Variants in LRRN2 observed in about 807,000 individuals in gnomAD.
LRRN2 encodes leucine-rich repeat neuronal protein 2.
In LRRN2, 10 loss-of-function variants were observed where a neutral mutation model predicts 35.7. The ratio of observed to expected loss-of-function variants is 0.28; its 90% CI spans 0.17 to 0.47. The LOEUF (loss-of-function observed/expected upper bound fraction) is 0.47, where lower values mean the gene tolerates loss of function less well. LRRN2 is among the 20% of genes least tolerant of loss of function. LRRN2 has a pLI of 0.99. For synonymous variants in LRRN2, 391 were observed against 409.6 expected (o/e 0.95, Z 0.55); for missense variants, 731 against 940.3 (o/e 0.78, Z 2.91).
intron 1 of LRRN2, among the ~76,000 whole-genome samples, chr1:204,657,341 T>TATACACACACACAC (rs1553349082): frequency 8.8e-5 from 13 of 147,058 alleles, no homozygotes; most frequent in South Asian, 4.4e-4. Context: ...TATGTATATA[T>TATACACACACACAC]ACACACACAC....
intron 1 of LRRN2, among the ~76,000 whole-genome samples, chr1:204,642,516 A>C (rs1170908884): frequency 8.6e-6 from 1 of 116,674 alleles, no homozygotes; most frequent in Non-Finnish European, 1.9e-5. Context: ...TGTGCCCAGG[A>C]GTAGCAGGGT....
intron 1 of LRRN2, among the ~76,000 whole-genome samples, chr1:204,681,400 A>G (rs901730474): frequency 3.3e-5 from 5 of 152,230 alleles, no homozygotes; most frequent in African/African-American, 1.2e-4. Flanking sequence ...TTCTAAGCTC[A>G]TTACATGTAT....
chr1:204,656,113 G>C (rs1225141461), intron 1 of LRRN2, among the ~76,000 whole-genome samples: 1 of 151,994 alleles, frequency 6.6e-6, no homozygotes, highest in Non-Finnish European at 1.5e-5. Flanking sequence ...GTTTCACCCT[G>C]TTAGCCAGGA....
intron 1 of LRRN2, among the ~76,000 whole-genome samples, chr1:204,636,172 C>T (rs917567616): frequency 2.0e-5 from 3 of 152,152 alleles, no homozygotes; most frequent in Admixed American, 2.0e-4. Context: ...ATCATAGCTA[C>T]CCTGATCACC....
At chr1:204,671,395 TTGTGTGTTTG>T (rs1163065392) in intron 1 of LRRN2, among the ~76,000 whole-genome samples, 3,364 of 141,434 alleles carry the variant, frequency 0.024, 132 homozygotes, top group African/African-American at 0.082. Context: ...AGCAATCTGT[TTGTGTGTTTG>T]TGTGTGTGTG....
At chr1:204,633,046 G>A (rs1190943485) in intron 1 of LRRN2, 1 of 152,164 alleles carries the variant, frequency 6.6e-6, no homozygotes, top group African/African-American at 2.4e-5. Context: ...AGTGTTGGGA[G>A]GTGGGGCCTT....
rs779413652 is a variant in LRRN2, at chr1:204,618,245, T to C, written c.1748A>G (p.Asn583Ser). 3 of 1,613,134 alleles carry C rather than the reference T, an allele frequency of 1.9e-6. No homozygotes were observed. Among genetic ancestry groups the C allele is most frequent in the Non-Finnish European group, 2.5e-6 (3 of 1,179,470 alleles). ...CGTGGCCTGAAGGAGGCGGGTAATG[T>C]TGTAGCTGTGGGTTCCCCGAGGCAG... ...ARLPRGTHSY[N>S]ITRLLQATEY... Residue 583 changes from asparagine to serine, a missense_variant, in exon 2 of 2, where the codon AAC (asparagine) becomes AGC (serine). Transcript: ENST00000367177.
chr1:204,671,369 G>A (rs1392394663), intron 1 of LRRN2, among the ~76,000 whole-genome samples: 3 of 150,352 alleles, frequency 2.0e-5, no homozygotes, highest in African/African-American at 7.4e-5. Flanking sequence ...GTTGGTGATG[G>A]TGAGTTTGTA....
At chr1:204,645,511 C>T (rs1441727444) in intron 1 of LRRN2, among the ~76,000 whole-genome samples, 2 of 152,188 alleles carry the variant, frequency 1.3e-5, no homozygotes, top group African/African-American at 4.8e-5. Flanking sequence ...CGACAAGGCA[C>T]TTTCTCATAT....
intron 1 of LRRN2, among the ~76,000 whole-genome samples, chr1:204,646,717 G>A (rs1398678848): frequency 6.6e-6 from 1 of 152,198 alleles, no homozygotes; most frequent in Non-Finnish European, 1.5e-5. Flanking sequence ...ATTTGTTATT[G>A]ATTGCATTTT....
intron 1 of LRRN2, among the ~76,000 whole-genome samples, chr1:204,645,523 T>G (rs1031486936): frequency 5.3e-5 from 8 of 152,182 alleles, no homozygotes; most frequent in African/African-American, 1.4e-4. Context: ...TTCTCATATG[T>G]GTGATTGCAT....
rs187123462 is a variant in LRRN2 at position 204,617,882 on chromosome 1, G to A, written c.2111C>T (p.Thr704Ile). The change falls in exon 2 of 2, where the codon ACA (threonine) becomes ATA (isoleucine). Residue 704 changes from threonine (T) to isoleucine (I), a missense_variant. Transcript: ENST00000367177. Reference sequence around the variant, plus strand: ...ATTTTGAGACAATGGTGGCAACAGTGTCTCCCCTTCTGAGGATCTGGGCAG... The same window carrying A: ...ATTTTGAGACAATGGTGGCAACAGTATCTCCCCTTCTGAGGATCTGGGCAG... The part of the protein sequence containing the change: ...RKLPRSSEGE[T>I]LLPPLSQNS The A allele has an allele frequency of 6.2e-6, 10 of 1,614,032 alleles. No homozygotes were observed. The Admixed American group carries it at 1.7e-4, about 27-fold the overall frequency.
intron 1 of LRRN2, among the ~76,000 whole-genome samples, chr1:204,651,396 T>C (rs1369388535): frequency 6.6e-6 from 1 of 152,216 alleles, no homozygotes; most frequent in East Asian, 1.9e-4. Context: ...GTGTGTTTCT[T>C]TAAGCTGCTA....
At chr1:204,669,254 G>A (rs1668656304) in intron 1 of LRRN2, among the ~76,000 whole-genome samples, 2 of 152,258 alleles carry the variant, frequency 1.3e-5, no homozygotes. Flanking sequence ...ACAGGGAAGG[G>A]AAGGGAGCAG....
At chr1:204,642,823 TGA>T (rs1668013046) in intron 1 of LRRN2, among the ~76,000 whole-genome samples, 1 of 151,884 alleles carries the variant, frequency 6.6e-6, no homozygotes, top group Admixed American at 6.6e-5. Flanking sequence ...TAGCTGAGGG[TGA>T]GAGGGAGGAG....
chr1:204,617,530 T>G lies in LRRN2; in HGVS notation c.*321A>C. On this transcript the variant is annotated 3_prime_UTR_variant, in exon 2 of 2. Coordinates refer to ENST00000367177, the MANE Select transcript of LRRN2 (RefSeq NM_201630.2). ...AAGGGGTGCAGCCCGGGGACACAGG[T>G]AGGGGACAGCCAAGCCAGGCCCAGG... The G allele has an allele frequency of 2.8e-6, 1 of 354,156 alleles. No homozygotes were observed. Among genetic ancestry groups the G allele is most frequent in the Non-Finnish European group, 5.2e-6 (1 of 192,160 alleles). The allele number at this position is 354,156 out of a possible 1,614,324, so 21.9% of individuals were successfully genotyped here.
At chr1:204,627,168 C>CCA in intron 1 of LRRN2, 1 of 152,318 alleles carries the variant, frequency 6.6e-6, no homozygotes, top group Non-Finnish European at 1.5e-5. Flanking sequence ...TCATCCCATC[C>CCA]TTCTGTGAGG....
At position 204,618,561 on chromosome 1, in the gene LRRN2, G is replaced by T. The variant is rs778992127; in HGVS notation, c.1432C>A (p.Pro478Thr). 4 of 1,614,060 alleles carry T rather than the reference G, an allele frequency of 2.5e-6. No individual in the cohort carries two copies. Among genetic ancestry groups the T allele is most frequent in the Non-Finnish European group, 3.4e-6 (4 of 1,180,032 alleles). The change falls in exon 2 of 2, where the codon CCC (proline) becomes ACC (threonine). Residue 478 changes from proline to threonine, a missense_variant. Physicochemically the swap from Pro to Thr is conservative, Grantham distance 38 (BLOSUM62 -1). Around this residue, in one of 3 missense-constraint regions of LRRN2, gnomAD observed 256 missense variants for 392.4 expected, o/e 0.65. Transcript: ENST00000367177. The stretch of plus-strand genomic sequence containing the variant: ...CTCCGCAGCTCCAGGGTCCCCTCGG[G>T]GTACACCCGGTACCTCCTGCCTGCA... Reference protein sequence around the residue: ...AHAGRRYRVYPEGTLELRRVT... With the variant: ...AHAGRRYRVYTEGTLELRRVT...
rs187393625 is a variant in LRRN2, at chr1:204,661,455, A to G, written c.-227+23865T>C. ...TAAAAATGGGGGGAAAAGTCACACC[A>G]ATGGTTTTCGAACTTTCCTGTACAT... is the stretch of plus-strand genomic sequence containing the variant. On this transcript the variant is annotated intron_variant, in intron 1 of 1. Coordinates refer to ENST00000367177, the MANE Select transcript of LRRN2 (RefSeq NM_201630.2). Among the ~76,000 whole-genome samples, 105 of 152,348 alleles carry G rather than the reference A, an allele frequency of 6.9e-4. 1 individual carries two copies. The East Asian group carries it at 0.017, about 24-fold the overall frequency.
Sources: allele counts gnomAD v4.1 joint callset (sites outside exome capture counted in the v4.1 genomes callset), GRCh38; gene constraint gnomAD v4.1.1; regional missense constraint gnomAD v4.1.1; transcripts MANE v1.5; gene names NCBI Gene and HGNC (gene_info 2026-07-23, HGNC 2026-07-21).